Variants in CRACD observed in about 807,000 individuals in gnomAD.
CRACD encodes capping protein inhibiting regulator of actin dynamics.
A neutral mutation model predicts 106.8 loss-of-function variants in CRACD; 56 were observed. The observed-to-expected ratio is 0.52, with a 90% confidence interval of 0.42 to 0.66. CRACD has a LOEUF of 0.66. Ranked by LOEUF, CRACD falls within the 30% of genes least tolerant of loss-of-function variation. The pLI, the probability that CRACD is intolerant of heterozygous loss-of-function variation, is 0.00. For missense variants in CRACD, 1,730 were observed against 1,623.2 expected (o/e 1.07, Z -1.13); for synonymous variants, 754 against 670.8 (o/e 1.12, Z -1.92).
rs138496500 is a variant in CRACD, at chr4:56,300,546, C to T, written c.120+2197C>T. On this transcript the variant is annotated intron_variant, in intron 4 of 10. Transcript: ENST00000682029. Reference sequence around the variant, plus strand: ...AAAACCTTGACCCCCCTCCTCCTTACCTTTCCTTCTTCAAGTCTTTTGATT... The same window carrying T: ...AAAACCTTGACCCCCCTCCTCCTTATCTTTCCTTCTTCAAGTCTTTTGATT... 3.4e-3 allele frequency among the ~76,000 whole-genome samples: 514 copies of T among 152,280 alleles called. 2 individuals are homozygous for T. Among genetic ancestry groups the T allele is most frequent in the Non-Finnish European group, 5.7e-3 (389 of 68,012 alleles).
chr4:56,081,788 C>G (rs113037656), intron 1 of CRACD, among the ~76,000 whole-genome samples: 3,659 of 151,998 alleles, frequency 0.024, 65 homozygotes, highest in Admixed American at 0.058. Flanking sequence ...CCAGCCTGGC[C>G]AACATGGCGA....
In CRACD at chr4:56,314,076, C is replaced by A; in HGVS notation, c.574C>A (p.Pro192Thr). 1 of 1,614,130 alleles carries A rather than the reference C, an allele frequency of 6.2e-7. No individual in the cohort carries two copies. Among genetic ancestry groups the A allele is most frequent in the South Asian group, 1.1e-5 (1 of 91,070 alleles). ...QHEQGGLESR[P>T]CLDQNGHPGE... Reference sequence around the variant, plus strand: ...TGAGCAAGGCGGCCTTGAGAGTCGGCCCTGCCTGGACCAGAACGGACACCC... The same window carrying A: ...TGAGCAAGGCGGCCTTGAGAGTCGGACCTGCCTGGACCAGAACGGACACCC... The change falls in exon 8 of 11, where the codon CCC (proline) becomes ACC (threonine). Residue 192 changes from proline to threonine, a missense_variant. Coordinates refer to ENST00000682029, the MANE Select transcript of CRACD (RefSeq NM_001393381.1). The surrounding 1 kb of genome is among the most constrained non-coding windows in gnomAD (Gnocchi z 4.4).
At chr4:56,124,366 A>G (rs1329488262) in intron 1 of CRACD, among the ~76,000 whole-genome samples, 1 of 152,234 alleles carries the variant, frequency 6.6e-6, no homozygotes, top group Non-Finnish European at 1.5e-5. Context: ...TGTTTCGTGT[A>G]TATCCCACCC....
chr4:56,170,207 G>A (rs912988091), intron 1 of CRACD: 3 of 152,266 alleles, frequency 2.0e-5, no homozygotes, highest in Admixed American at 6.5e-5. Context: ...ATGCCTTCTG[G>A]TTTGACTGGA....
At chr4:56,296,514 T>C (rs1460426230) in intron 3 of CRACD, among the ~76,000 whole-genome samples, 4 of 151,960 alleles carry the variant, frequency 2.6e-5, no homozygotes, top group Non-Finnish European at 5.9e-5. Context: ...CCCAACTGGG[T>C]CTAGACTTGG....
In CRACD at chr4:56,314,712, G is replaced by C; in HGVS notation, c.1210G>C (p.Glu404Gln). ...RGAEEEDLGEEEEEGQAHLED... is the reference protein window; with the variant it reads ...RGAEEEDLGEQEEEGQAHLED... Reference sequence around the variant, plus strand: ...CGCGGAGGAGGAGGATCTGGGGGAAGAGGAGGAGGAGGGCCAGGCGCACCT... The same window carrying C: ...CGCGGAGGAGGAGGATCTGGGGGAACAGGAGGAGGAGGGCCAGGCGCACCT... Residue 404 changes from glutamate to glutamine, a missense_variant, in exon 8 of 11, where the codon GAG becomes CAG. Physicochemically the swap from Glu to Gln is conservative, Grantham distance 29 (BLOSUM62 2). Coordinates refer to ENST00000682029, the MANE Select transcript of CRACD (RefSeq NM_001393381.1). The surrounding 1 kb of genome is among the most constrained non-coding windows in gnomAD (Gnocchi z 4.4). 1 of 1,562,420 alleles carries C rather than the reference G, an allele frequency of 6.4e-7. No individual in the cohort carries two copies. The highest frequency in any genetic ancestry group is 8.7e-7 in the Non-Finnish European group (1 of 1,153,152).
intron 3 of CRACD, among the ~76,000 whole-genome samples, chr4:56,291,633 A>G (rs921223981): frequency 6.6e-6 from 1 of 152,204 alleles, no homozygotes; most frequent in Non-Finnish European, 1.5e-5. Flanking sequence ...TAGATTTAAT[A>G]TTATACAAAT....
chr4:56,193,255 T>C (rs1737463996), intron 2 of CRACD, among the ~76,000 whole-genome samples: 1 of 152,122 alleles, frequency 6.6e-6, no homozygotes, highest in African/African-American at 2.4e-5. Context: ...ATGACTCACT[T>C]ACCTCCCACT....
intron 2 of CRACD, among the ~76,000 whole-genome samples, chr4:56,181,292 C>A (rs563508791): frequency 6.6e-6 from 1 of 152,216 alleles, no homozygotes; most frequent in Admixed American, 6.5e-5. Context: ...GTAGAGGAAG[C>A]AGTGGGTGTA....
At chr4:56,233,646 GTT>G (rs754049910) in intron 2 of CRACD, among the ~76,000 whole-genome samples, 12 of 152,004 alleles carry the variant, frequency 7.9e-5, no homozygotes, top group Non-Finnish European at 1.6e-4. Context: ...TATTTCTCCA[GTT>G]TTGTTCATCT....
At chr4:56,082,734 T>C (rs1733075996) in intron 1 of CRACD, among the ~76,000 whole-genome samples, 1 of 152,128 alleles carries the variant, frequency 6.6e-6, no homozygotes, top group Non-Finnish European at 1.5e-5. Flanking sequence ...GAGCTGGGAC[T>C]AGATGTGGCT....
Position 56,314,443 on chromosome 4 carries a change from T to TGGAGGCGGAGGAGGAGC in CRACD, c.943_959dup (p.Leu323ArgfsTer107). 1.3e-6 allele frequency: 2 copies of TGGAGGCGGAGGAGGAGC among 1,497,072 alleles called. No homozygotes were observed. The highest frequency in any genetic ancestry group is 1.8e-6 in the Non-Finnish European group (2 of 1,120,562). 92.7% of individuals were successfully genotyped at this position (1,497,072 alleles called of 1,614,324 possible). ...AGGGAGCGTGAGGAGCGCGAGCGCC[T>TGGAGGCGGAGGAGGAGC]GGAGGCGGAGGAGGAGCGAAGGCGT... On this transcript the variant is annotated frameshift_variant, in exon 8 of 11. Coordinates refer to ENST00000682029, the MANE Select transcript of CRACD (RefSeq NM_001393381.1). LOFTEE classifies it high-confidence loss of function. The surrounding 1 kb of genome is among the most constrained non-coding windows in gnomAD (Gnocchi z 4.4).
At chr4:56,140,358 G>T (rs1015190319) in intron 1 of CRACD, among the ~76,000 whole-genome samples, 2 of 152,124 alleles carry the variant, frequency 1.3e-5, no homozygotes, top group African/African-American at 4.8e-5. Context: ...CATACTGCTT[G>T]GTTATTAACA....
intron 2 of CRACD, among the ~76,000 whole-genome samples, chr4:56,259,881 C>T (rs1279800565): frequency 6.6e-6 from 1 of 152,160 alleles, no homozygotes; most frequent in Non-Finnish European, 1.5e-5. Flanking sequence ...CAGGAGATCC[C>T]TCAGGGCCTT....
At chr4:56,126,213 C>T (rs1409669950) in intron 1 of CRACD, among the ~76,000 whole-genome samples, 3 of 152,114 alleles carry the variant, frequency 2.0e-5, no homozygotes, top group Admixed American at 1.3e-4. Context: ...CAGGCTACCT[C>T]GTATCTTTCC....
intron 1 of CRACD, among the ~76,000 whole-genome samples, chr4:56,168,133 G>T (rs1284208154): frequency 6.6e-6 from 1 of 152,148 alleles, no homozygotes; most frequent in Admixed American, 6.5e-5. Context: ...AGACAATTTT[G>T]CCATGTTGCC....
chr4:56,259,135 CA>C (rs1343472569), intron 2 of CRACD, among the ~76,000 whole-genome samples: 1 of 152,032 alleles, frequency 6.6e-6, no homozygotes, highest in African/African-American at 2.4e-5. Context: ...ACTTTTGGGG[CA>C]AAAAGCAGGG....
chr4:56,170,022 T>C (rs1736298263), intron 1 of CRACD, among the ~76,000 whole-genome samples: 1 of 152,178 alleles, frequency 6.6e-6, no homozygotes, highest in African/African-American at 2.4e-5. Context: ...GTTCTGTTTG[T>C]ACTTTCACTG....
chr4:56,082,487 G>A (rs1219133706), intron 1 of CRACD, among the ~76,000 whole-genome samples: 1 of 152,228 alleles, frequency 6.6e-6, no homozygotes. Flanking sequence ...GGTGACTGCA[G>A]AAGAGATTCT....
Sources: gnomAD v4.1 joint callset for allele counts (sites outside exome capture counted in the v4.1 genomes callset) on GRCh38, gnomAD v4.1.1 for gene constraint, Gnocchi (gnomAD v3.1) non-coding constraint, MANE v1.5 for transcripts, NCBI Gene and HGNC (gene_info 2026-07-23, HGNC 2026-07-21) for gene names.